Variants in CDH13 observed in about 807,000 individuals in gnomAD.
CDH13 encodes the protein cadherin-13.
A neutral mutation model predicts 63.8 loss-of-function variants in CDH13; 24 were observed. The ratio of observed to expected loss-of-function variants is 0.38; its 90% confidence interval spans 0.27 to 0.53. The LOEUF (loss-of-function observed/expected upper bound fraction) is 0.53, where lower values mean the gene tolerates loss of function less well. Ranked by LOEUF, CDH13 falls within the 20% of genes least tolerant of loss-of-function variation. The probability of loss-of-function intolerance (pLI) is 0.85; values close to 1 mark genes in which losing one functional copy is unlikely to be tolerated. For missense variants in CDH13, 1,049 were observed against 903.1 expected, an observed-to-expected ratio of 1.16 and a Z score of -2.07; for synonymous variants, 503 against 355.3, an observed-to-expected ratio of 1.42 and a Z score of -4.67.
At chr16:83,431,969 T>G (rs1416818477) in intron 6 of CDH13, among the ~76,000 whole-genome samples, 4 of 152,130 alleles carry the variant, frequency 2.6e-5, no homozygotes, top group African/African-American at 9.7e-5. Flanking sequence ...AAAGAGGGAT[T>G]CATGTTTTAA....
intron 5 of CDH13, among the ~76,000 whole-genome samples, chr16:83,232,875 C>T (rs915940702): frequency 2.6e-5 from 4 of 152,138 alleles, no homozygotes; most frequent in South Asian, 4.1e-4. Context: ...TTGAGACTAT[C>T]GTAGTTTATG....
At chr16:82,761,958 T>C (rs911138980) in intron 1 of CDH13, among the ~76,000 whole-genome samples, 1 of 152,214 alleles carries the variant, frequency 6.6e-6, no homozygotes, top group Non-Finnish European at 1.5e-5. Context: ...AGGTGAGATA[T>C]GCATTAAAGG....
At chr16:82,737,818 C>T (rs1196955084) in intron 1 of CDH13, among the ~76,000 whole-genome samples, 3 of 152,230 alleles carry the variant, frequency 2.0e-5, no homozygotes, top group South Asian at 2.1e-4. Flanking sequence ...AATTGACCTA[C>T]AAAAAATTGC....
At chr16:83,330,864 C>T (rs1001844124) in intron 5 of CDH13, among the ~76,000 whole-genome samples, 5 of 152,162 alleles carry the variant, frequency 3.3e-5, no homozygotes, top group Admixed American at 1.3e-4. Context: ...CAGCAACATG[C>T]AAAAGACGCT....
chr16:83,567,144 T>G (rs1168609664), intron 7 of CDH13, among the ~76,000 whole-genome samples: 1 of 152,230 alleles, frequency 6.6e-6, no homozygotes, highest in Non-Finnish European at 1.5e-5. Flanking sequence ...CAGGAGATCC[T>G]TGACTCCCCA....
chr16:82,996,114 C>A (rs560108864), intron 2 of CDH13, among the ~76,000 whole-genome samples: 1 of 151,528 alleles, frequency 6.6e-6, no homozygotes, highest in Non-Finnish European at 1.5e-5. Flanking sequence ...GTAAAACCTT[C>A]GGGCAGATGA....
chr16:83,455,181 A>G (rs1218158593), intron 6 of CDH13, among the ~76,000 whole-genome samples: 1 of 152,230 alleles, frequency 6.6e-6, no homozygotes, highest in Non-Finnish European at 1.5e-5. Context: ...GAACCCACGT[A>G]TCTCTGACTT....
chr16:82,751,683 G>A lies in CDH13; in HGVS notation c.46-106679G>A, dbSNP rs188771493. Among the ~76,000 whole-genome samples the A allele has an allele frequency of 1.9e-3, 269 of 143,516 alleles. 2 individuals are homozygous for A. The highest frequency in any genetic ancestry group is 6.4e-3 in the South Asian group (29 of 4,532). The allele number at this position is 143,516 out of a possible 152,430, so 94.2% of individuals were successfully genotyped here. ...TAAAAAACACCATGACAGATTGAGA[G>A]AAAGACCATGGAAAACAGGTAAAAA... is the stretch of plus-strand genomic sequence containing the variant. On this transcript the variant is annotated intron_variant, in intron 1 of 13. Transcript: ENST00000567109.
chr16:83,299,987 T>A (rs973767648), intron 5 of CDH13, among the ~76,000 whole-genome samples: 3 of 152,064 alleles, frequency 2.0e-5, no homozygotes, highest in African/African-American at 4.8e-5. Flanking sequence ...CAGAATTGAG[T>A]TCCTCATAAG....
chr16:82,835,235 T>G (rs2038715379), intron 1 of CDH13, among the ~76,000 whole-genome samples: 1 of 152,238 alleles, frequency 6.6e-6, no homozygotes, highest in African/African-American at 2.4e-5. Context: ...TCACCACATT[T>G]CAGGGGTTTA....
chr16:83,426,907 C>CTTTTTT (rs71148833), intron 6 of CDH13, among the ~76,000 whole-genome samples: 1,385 of 63,234 alleles, frequency 0.022, 192 homozygotes, highest in African/African-American at 0.024. Context: ...ATGTTTCTTT[C>CTTTTTT]TTTTTTTTTT....
chr16:83,191,338 T>G (rs1271081409), intron 4 of CDH13, among the ~76,000 whole-genome samples: 2 of 148,202 alleles, frequency 1.3e-5, no homozygotes, highest in African/African-American at 5.0e-5. Flanking sequence ...TGTTAACTTT[T>G]GTGCCTCAGT....
intron 5 of CDH13, among the ~76,000 whole-genome samples, chr16:83,280,042 C>G (rs968554007): frequency 2.6e-5 from 4 of 152,168 alleles, no homozygotes; most frequent in African/African-American, 7.2e-5. Flanking sequence ...GCAGATTGAT[C>G]AGGGTGGTGG....
rs189800905 is a variant in CDH13 at position 83,047,025 on chromosome 16, C to G, written c.366+14807C>G. ...TATCTTTCTGCAGCAAATCCTTTGA[C>G]AGAGAATGTGCACTGTCAACCAACC... On this transcript the variant is annotated intron_variant, in intron 3 of 13. Coordinates refer to ENST00000567109, the MANE Select transcript of CDH13 (RefSeq NM_001257.5). The surrounding 1 kb of genome is among the most constrained non-coding windows in gnomAD (Gnocchi z 4.9). 3.5e-3 allele frequency among the ~76,000 whole-genome samples: 528 copies of G among 152,302 alleles called. 1 individual carries two copies. Among genetic ancestry groups the G allele is most frequent in the Non-Finnish European group, 6.0e-3 (409 of 68,016 alleles).
At chr16:83,061,749 A>G (rs1300476244) in intron 3 of CDH13, among the ~76,000 whole-genome samples, 1 of 152,216 alleles carries the variant, frequency 6.6e-6, no homozygotes, top group Admixed American at 6.5e-5. Flanking sequence ...AGAAAGAACA[A>G]AAATAAAGAA....
At chr16:83,788,814 G>T (rs11647783) in intron 13 of CDH13, among the ~76,000 whole-genome samples, 1 of 152,100 alleles carries the variant, frequency 6.6e-6, no homozygotes, top group African/African-American at 2.4e-5. Context: ...AGGGGCACCT[G>T]TGTGTAAAGT....
At chr16:82,877,382 T>C (rs1401274224) in intron 2 of CDH13, among the ~76,000 whole-genome samples, 1 of 152,206 alleles carries the variant, frequency 6.6e-6, no homozygotes, top group Non-Finnish European at 1.5e-5. Context: ...GCCTTATGTT[T>C]CGTGGACAAA....
Position 82,848,658 on chromosome 16 carries a change from C to G in CDH13, c.46-9704C>G, listed in dbSNP as rs149657601. Among the ~76,000 whole-genome samples the G allele has an allele frequency of 2.9e-3, 446 of 151,734 alleles. 4 individuals carry two copies. The highest frequency in any genetic ancestry group is 0.01 in the African/African-American group (427 of 41,340). On this transcript the variant is annotated intron_variant, in intron 1 of 13. Coordinates refer to ENST00000567109, the MANE Select transcript of CDH13 (RefSeq NM_001257.5). ...TTGATAAGTGCGTGTTCTGACTGTT[C>G]CACCAACTGGCCCTTTACTCATCTG...
intron 5 of CDH13, among the ~76,000 whole-genome samples, chr16:83,323,171 CTTTTT>C (rs1555530160): frequency 2.0e-5 from 2 of 99,356 alleles, no homozygotes; most frequent in African/African-American, 7.7e-5. Flanking sequence ...CTTTCTCTTT[CTTTTT>C]TCTTTCTTTC....
Sources: gnomAD v4.1 joint callset for allele counts (sites outside exome capture counted in the v4.1 genomes callset) on GRCh38, gnomAD v4.1.1 for gene constraint, Gnocchi (gnomAD v3.1) non-coding constraint, MANE v1.5 for transcripts, NCBI Gene and HGNC (gene_info 2026-07-23, HGNC 2026-07-21) for gene names.